Variants in CNIH3 observed in about 807,000 individuals in gnomAD.
The protein encoded by CNIH3 is cornichon family AMPA receptor auxiliary protein 3.
Under a neutral mutation model 24.1 loss-of-function variants are expected in CNIH3, and 14 were observed. That is an observed-to-expected ratio of 0.58 (90% CI 0.38 to 0.91). CNIH3 has a LOEUF of 0.91. Ranked by LOEUF, CNIH3 falls within the 40% of genes least tolerant of loss-of-function variation. The pLI, the probability that CNIH3 is intolerant of heterozygous loss-of-function variation, is 0.00. For missense variants in CNIH3, 178 were observed against 196.8 expected, an observed-to-expected ratio of 0.90 and a Z score of 0.57; for synonymous variants, 68 against 73.8, an observed-to-expected ratio of 0.92 and a Z score of 0.40.
intron 1 of CNIH3, among the ~76,000 whole-genome samples, chr1:224,518,882 A>T (rs1307269260): frequency 6.6e-6 from 1 of 152,202 alleles, no homozygotes; most frequent in African/African-American, 2.4e-5. Context: ...AGTGGTTACA[A>T]ACAGGTTTTC....
intron 1 of CNIH3, among the ~76,000 whole-genome samples, chr1:224,491,212 T>C (rs1677223988): frequency 6.6e-6 from 1 of 152,234 alleles, no homozygotes; most frequent in South Asian, 2.1e-4. Context: ...CCATCCAGTT[T>C]GCTTCTATGA....
intron 1 of CNIH3, among the ~76,000 whole-genome samples, chr1:224,482,970 C>T (rs1676872908): frequency 6.6e-6 from 1 of 152,242 alleles, no homozygotes; most frequent in East Asian, 1.9e-4. Flanking sequence ...AATCATCCCT[C>T]CTTGGGCCCT....
At chr1:224,705,382 C>T (rs779544908) in intron 3 of CNIH3, among the ~76,000 whole-genome samples, 26 of 152,200 alleles carry the variant, frequency 1.7e-4, no homozygotes, top group Non-Finnish European at 2.5e-4. Context: ...GCCTGGAGCC[C>T]CCTTCATTCT....
intron 4 of CNIH3, among the ~76,000 whole-genome samples, chr1:224,568,734 A>T (rs1268272151): frequency 6.6e-6 from 1 of 152,168 alleles, no homozygotes; most frequent in Non-Finnish European, 1.5e-5. Flanking sequence ...AGCCTGGGTG[A>T]CAGAGCAAGA....
intron 1 of CNIH3, among the ~76,000 whole-genome samples, chr1:224,642,279 G>C (rs140568707): frequency 1.3e-5 from 2 of 152,272 alleles, no homozygotes; most frequent in Non-Finnish European, 2.9e-5. Context: ...CTCCCAGGCT[G>C]GAGTACAGTG....
intron 3 of CNIH3, among the ~76,000 whole-genome samples, chr1:224,710,152 G>A (rs550494797): frequency 3.9e-5 from 6 of 152,290 alleles, no homozygotes; most frequent in Admixed American, 6.5e-5. Flanking sequence ...TGAGACTACC[G>A]ATAAGGGGTA....
intron 1 of CNIH3, among the ~76,000 whole-genome samples, chr1:224,446,777 G>T (rs1572256333): frequency 6.6e-6 from 1 of 152,266 alleles, no homozygotes; most frequent in East Asian, 1.9e-4. Context: ...TGGAAGCACT[G>T]GGAAGAGGGG....
chr1:224,539,213 T>G (rs1179883165), downstream of CNIH3, among the ~76,000 whole-genome samples: 1 of 152,210 alleles, frequency 6.6e-6, no homozygotes, highest in African/African-American at 2.4e-5. Context: ...TCATGGCTAT[T>G]AGGACTTCTA....
intron 3 of CNIH3, among the ~76,000 whole-genome samples, chr1:224,595,113 C>A (rs988809772): frequency 4.3e-4 from 65 of 152,196 alleles, no homozygotes; most frequent in Non-Finnish European, 8.8e-5. Flanking sequence ...GGGAAGTGAT[C>A]AGAGCTCACT....
intron 1 of CNIH3, among the ~76,000 whole-genome samples, chr1:224,467,066 C>T (rs773530494): frequency 3.3e-5 from 5 of 152,164 alleles, no homozygotes; most frequent in Non-Finnish European, 7.3e-5. Context: ...CACTCTGTTA[C>T]CCATGCTGGA....
intron 1 of CNIH3, among the ~76,000 whole-genome samples, chr1:224,647,836 G>T (rs1684685241): frequency 6.6e-6 from 1 of 152,160 alleles, no homozygotes; most frequent in Admixed American, 6.5e-5. Context: ...GGTGTAAGGA[G>T]CCTGCAGGCA....
chr1:224,505,676 G>C (rs1677879774), intron 1 of CNIH3, among the ~76,000 whole-genome samples: 1 of 152,206 alleles, frequency 6.6e-6, no homozygotes, highest in South Asian at 2.1e-4. Context: ...CTGGAATTCA[G>C]ACTCAGGTCT....
At chr1:224,680,072 G>T (rs1367242736) in intron 1 of CNIH3, among the ~76,000 whole-genome samples, 1 of 152,198 alleles carries the variant, frequency 6.6e-6, no homozygotes, top group Admixed American at 6.5e-5. Context: ...GCCTCTGAAA[G>T]TGCTGGGATT....
At chr1:224,493,062 C>T (rs1378388654) in intron 1 of CNIH3, among the ~76,000 whole-genome samples, 12 of 152,188 alleles carry the variant, frequency 7.9e-5, no homozygotes, top group African/African-American at 2.9e-4. Context: ...GGCATTGACC[C>T]AGGGTCTTTA....
chr1:224,487,200 C>T (rs1677063077), intron 1 of CNIH3, among the ~76,000 whole-genome samples: 1 of 152,218 alleles, frequency 6.6e-6, no homozygotes, highest in Admixed American at 6.5e-5. Context: ...CATGTCCTTA[C>T]ATTTACAATC....
At chr1:224,736,503 G>A (rs1640810753) in intron 5 of CNIH3, among the ~76,000 whole-genome samples, 1 of 152,218 alleles carries the variant, frequency 6.6e-6, no homozygotes, top group African/African-American at 2.4e-5. Context: ...GGAGGAAGGT[G>A]TGCTTTTTAA....
At chr1:224,586,280 A>G (rs1681504096) in intron 5 of CNIH3, among the ~76,000 whole-genome samples, 1 of 152,202 alleles carries the variant, frequency 6.6e-6, no homozygotes, top group Admixed American at 6.5e-5. Context: ...ATAGACTCAC[A>G]GTTCCATGTG....
intron 2 of CNIH3, among the ~76,000 whole-genome samples, chr1:224,533,961 T>A (rs966566668): frequency 6.6e-6 from 1 of 152,138 alleles, no homozygotes; most frequent in Non-Finnish European, 1.5e-5. Context: ...GCCCAGGAGT[T>A]TGAGACTAGC....
intron 3 of CNIH3, among the ~76,000 whole-genome samples, chr1:224,724,960 C>G (rs1688938903): frequency 6.6e-6 from 1 of 152,112 alleles, no homozygotes; most frequent in South Asian, 2.1e-4. Context: ...CCTGCAATCC[C>G]AGCACTTTGG....
Sources: gnomAD v4.1 joint callset for allele counts (sites outside exome capture counted in the v4.1 genomes callset) on GRCh38, gnomAD v4.1.1 for gene constraint, MANE v1.5 for transcripts, NCBI Gene and HGNC (gene_info 2026-07-23, HGNC 2026-07-21) for gene names.